SRBD1: variants seen among roughly 807,000 people sequenced by gnomAD.
The protein encoded by SRBD1 is S1 RNA binding domain 1, also known as S1 RNA-binding domain-containing protein 1.
A neutral mutation model predicts 115.3 loss-of-function variants in SRBD1; 88 were observed. The observed-to-expected ratio is 0.76, with a 90% CI of 0.64 to 0.91. The LOEUF (loss-of-function observed/expected upper bound fraction) is 0.91, where lower values mean the gene tolerates loss of function less well. Among genes scored for constraint, SRBD1 ranks in the 40% least tolerant of loss-of-function variants. SRBD1 has a pLI of 0.00. For missense variants in SRBD1, 1,385 were observed against 1,177.4 expected (o/e 1.18, Z -2.58); for synonymous variants, 509 against 407.7 (o/e 1.25, Z -2.99).
chr2:45,412,104 A>AAAAACAAAAC (rs767066660), intron 19 of SRBD1, among the ~76,000 whole-genome samples: 4 of 152,248 alleles, frequency 2.6e-5, no homozygotes, highest in African/African-American at 7.2e-5. Context: ...ATCTTGTCTC[A>AAAAACAAAAC]AAAACAAAAC....
intron 16 of SRBD1, among the ~76,000 whole-genome samples, chr2:45,429,704 G>A (rs1668272490): frequency 6.6e-6 from 1 of 152,130 alleles, no homozygotes. Flanking sequence ...GGCAAAACCT[G>A]GAAACGTTCC....
intron 20 of SRBD1, among the ~76,000 whole-genome samples, chr2:45,392,252 A>G (rs150119369): frequency 2.5e-3 from 377 of 152,314 alleles, no homozygotes; most frequent in Admixed American, 4.3e-3. Context: ...AACCAGAATA[A>G]AAAGAGCCAA....
At chr2:45,549,732 G>C (rs751202138) in intron 12 of SRBD1, among the ~76,000 whole-genome samples, 1 of 150,500 alleles carries the variant, frequency 6.6e-6, no homozygotes, top group Non-Finnish European at 1.5e-5. Flanking sequence ...GCATGGTGGT[G>C]CGTGCCTATG....
chr2:45,585,103 T>C (rs955819872), intron 5 of SRBD1, among the ~76,000 whole-genome samples: 11 of 151,664 alleles, frequency 7.3e-5, no homozygotes, highest in African/African-American at 1.2e-4. Flanking sequence ...TGAGCTGAGA[T>C]TGCACCACTG....
At chr2:45,538,075 C>T (rs958795323) in intron 14 of SRBD1, among the ~76,000 whole-genome samples, 1 of 152,068 alleles carries the variant, frequency 6.6e-6, no homozygotes, top group Admixed American at 6.5e-5. Context: ...GACTGAGCAG[C>T]GAAGTAACGC....
At position 45,409,342 on chromosome 2, in the gene SRBD1, G is replaced by C. The variant is rs149265283; in HGVS notation, c.2513+3772C>G. On this transcript the variant is annotated intron_variant, in intron 19 of 20. Transcript: ENST00000263736. Reference sequence around the variant, plus strand: ...TATTGCAAGAAGTCTATGAATCCCTGTGCACATATGCACCTTCTCATCAAA... The same window carrying C: ...TATTGCAAGAAGTCTATGAATCCCTCTGCACATATGCACCTTCTCATCAAA... Among the ~76,000 whole-genome samples the C allele has an allele frequency of 2.0e-3, 307 of 151,830 alleles. 1 individual carries two copies. Among genetic ancestry groups the C allele is most frequent in the African/African-American group, 7.1e-3 (294 of 41,324 alleles).
At chr2:45,584,346 C>G (rs903130375) in intron 5 of SRBD1, among the ~76,000 whole-genome samples, 2 of 152,220 alleles carry the variant, frequency 1.3e-5, no homozygotes, top group Non-Finnish European at 2.9e-5. Context: ...TAGCCTGGCT[C>G]TGGAACATTT....
At chr2:45,481,036 C>T (rs924180660) in intron 15 of SRBD1, among the ~76,000 whole-genome samples, 2 of 152,164 alleles carry the variant, frequency 1.3e-5, no homozygotes, top group African/African-American at 4.8e-5. Flanking sequence ...CAACCATGAA[C>T]ATCAAGGCGA....
At chr2:45,519,266 C>A (rs1344123741) in intron 14 of SRBD1, among the ~76,000 whole-genome samples, 2 of 152,124 alleles carry the variant, frequency 1.3e-5, no homozygotes, top group Non-Finnish European at 2.9e-5. Context: ...TAACCCTCAT[C>A]ATACTCCTGT....
At chr2:45,580,665 T>G (rs1376455786) in intron 6 of SRBD1, among the ~76,000 whole-genome samples, 3 of 142,336 alleles carry the variant, frequency 2.1e-5, no homozygotes, top group Non-Finnish European at 4.6e-5. Flanking sequence ...GGCCGGTCAA[T>G]TCTTCTACTT....
At chr2:45,431,905 A>C (rs779985353) in intron 16 of SRBD1, among the ~76,000 whole-genome samples, 23 of 152,356 alleles carry the variant, frequency 1.5e-4, no homozygotes, top group Middle Eastern at 3.4e-3. Context: ...TATGTAATAG[A>C]AACTTCTGTA....
chr2:45,509,757 C>A (rs1247696805), intron 14 of SRBD1, among the ~76,000 whole-genome samples: 2 of 152,116 alleles, frequency 1.3e-5, no homozygotes, highest in Non-Finnish European at 2.9e-5. Context: ...TCTTTTAAGA[C>A]AGGGTCTCAC....
intron 15 of SRBD1, among the ~76,000 whole-genome samples, chr2:45,481,679 A>G (rs1669970044): frequency 7.0e-6 from 1 of 142,142 alleles, no homozygotes; most frequent in African/African-American, 2.7e-5. Context: ...TTTTCATAGC[A>G]GCCTTATTCA....
intron 20 of SRBD1, among the ~76,000 whole-genome samples, chr2:45,389,983 G>GC: frequency 6.6e-6 from 1 of 152,136 alleles, no homozygotes; most frequent in South Asian, 2.1e-4. Flanking sequence ...GAGACTGGAA[G>GC]CTTTTTTTTT....
At chr2:45,596,679 T>G (rs1269244662) in intron 4 of SRBD1, among the ~76,000 whole-genome samples, 1 of 152,148 alleles carries the variant, frequency 6.6e-6, no homozygotes, top group Non-Finnish European at 1.5e-5. Context: ...AAATCTAAAG[T>G]GCCTAGTACA....
At chr2:45,509,034 T>G (rs540046431) in intron 14 of SRBD1, among the ~76,000 whole-genome samples, 5 of 152,192 alleles carry the variant, frequency 3.3e-5, no homozygotes, top group Admixed American at 1.3e-4. Context: ...AGTACACAAA[T>G]TGACATGACC....
chr2:45,476,095 G>A (rs1046754492), intron 16 of SRBD1, among the ~76,000 whole-genome samples: 1 of 152,180 alleles, frequency 6.6e-6, no homozygotes, highest in Non-Finnish European at 1.5e-5. Flanking sequence ...CCAGTTAAAG[G>A]TCTGAATGCC....
At chr2:45,465,805 T>C (rs1427278399) in intron 16 of SRBD1, among the ~76,000 whole-genome samples, 1 of 152,202 alleles carries the variant, frequency 6.6e-6, no homozygotes, top group Non-Finnish European at 1.5e-5. Context: ...GAAGCATTTG[T>C]GACCAGGCTA....
At chr2:45,408,114 T>C (rs1667489262) in intron 19 of SRBD1, among the ~76,000 whole-genome samples, 1 of 152,172 alleles carries the variant, frequency 6.6e-6, no homozygotes, top group Admixed American at 6.5e-5. Flanking sequence ...AATTAAAACA[T>C]GAAATGTACT....
Sources: gnomAD v4.1 joint callset for allele counts (sites outside exome capture counted in the v4.1 genomes callset) on GRCh38, gnomAD v4.1.1 for gene constraint, MANE v1.5 for transcripts, NCBI Gene and HGNC (gene_info 2026-07-23, HGNC 2026-07-21) for gene names.